The following FGF13 variants were observed in gnomAD, a reference collection of about 807,000 sequenced individuals.
FGF13 encodes fibroblast growth factor homologous factor 2.
FGF13 carries 2 observed loss-of-function variants against 19.5 expected under a neutral mutation model. That is an observed-to-expected ratio of 0.10 (90% confidence interval 0.04 to 0.32). The LOEUF (loss-of-function observed/expected upper bound fraction) is 0.32, where lower values mean the gene tolerates loss of function less well. Among genes scored for constraint, FGF13 ranks in the 10% least tolerant of loss-of-function variants. The pLI, the probability that FGF13 is intolerant of heterozygous loss-of-function variation, is 1.00. For missense variants in FGF13, 113 were observed against 192.7 expected, an observed-to-expected ratio of 0.59 and a Z score of 2.45; for synonymous variants, 72 against 76.9, an observed-to-expected ratio of 0.94 and a Z score of 0.33.
intron 3 of FGF13, among the ~76,000 whole-genome samples, chrX:138,826,346 G>A (rs2091034194): frequency 1.8e-5 from 2 of 111,772 alleles, no homozygotes; most frequent in Admixed American, 9.5e-5. Flanking sequence ...ATGGCACCCA[G>A]GTGGCCTAAA....
At chrX:139,167,190 G>A (rs1277012425) in intron 1 of FGF13, among the ~76,000 whole-genome samples, 1 of 111,710 alleles carries the variant, frequency 9.0e-6, no homozygotes, top group East Asian at 2.8e-4. Flanking sequence ...ATAAGTCAAC[G>A]GAAGCACCTG....
rs758308695 is a variant in FGF13, at chrX:138,857,583, C to T, written c.59G>A (p.Arg20His). Residue 20 changes from arginine to histidine, a missense_variant, in exon 3 of 3, where the codon CGT (arginine) becomes CAT (histidine). Physicochemically the swap from Arg to His is conservative, Grantham distance 29. Transcript: ENST00000421460. The stretch of plus-strand genomic sequence containing the variant: ...GCAGAAGATTTCGTGACACTTAGCA[C>T]GAAAGGGGGACTCTTTTTTCTTTAA... The T allele has an allele frequency of 9.1e-6, 11 of 1,206,928 alleles. No individual in the cohort carries two copies. The East Asian group carries it at 2.1e-4, about 23-fold the overall frequency.
intron 1 of FGF13, among the ~76,000 whole-genome samples, chrX:139,153,791 A>T (rs1168802578): frequency 9.1e-6 from 1 of 110,080 alleles, no homozygotes. Context: ...CCCTAATCCA[A>T]TGACTGTTAT....
At chrX:138,924,076 A>G in intron 1 of FGF13, among the ~76,000 whole-genome samples, 1 of 112,255 alleles carries the variant, frequency 8.9e-6, no homozygotes, top group Non-Finnish European at 1.9e-5. Flanking sequence ...ATGAAGCTTT[A>G]TGAGGTACTG....
chrX:138,893,457 A>G (rs769724303), intron 1 of FGF13, among the ~76,000 whole-genome samples: 38 of 110,927 alleles, frequency 3.4e-4, no homozygotes, highest in Non-Finnish European at 6.6e-4. Context: ...TACCACCCCC[A>G]TTTTAAAGAT....
At chrX:138,987,703 T>C (rs956471065) in intron 1 of FGF13, among the ~76,000 whole-genome samples, 3 of 112,152 alleles carry the variant, frequency 2.7e-5, no homozygotes, top group Non-Finnish European at 5.6e-5. Flanking sequence ...CAGTGAATTA[T>C]TGAACTCATA....
At chrX:138,865,560 G>A (rs961931896) in intron 1 of FGF13, among the ~76,000 whole-genome samples, 8 of 101,488 alleles carry the variant, frequency 7.9e-5, no homozygotes, top group Non-Finnish European at 9.8e-5. Context: ...AATTATTTGC[G>A]TTTCTTCCCA....
At chrX:138,962,959 C>T (rs147516357) in intron 1 of FGF13, among the ~76,000 whole-genome samples, 2,267 of 110,774 alleles carry the variant, frequency 0.02, 67 homozygotes, top group African/African-American at 0.071. Context: ...CAAACCTGCA[C>T]GTTGTGCACA....
At chrX:138,655,465 A>G (rs1197252180) in intron 3 of FGF13, among the ~76,000 whole-genome samples, 1 of 111,947 alleles carries the variant, frequency 8.9e-6, no homozygotes, top group African/African-American at 3.2e-5. Flanking sequence ...TCAAAAATAC[A>G]TTTATTCAGA....
intron 1 of FGF13, among the ~76,000 whole-genome samples, chrX:139,171,060 C>G (rs1456137469): frequency 9.0e-6 from 1 of 111,148 alleles, no homozygotes; most frequent in Non-Finnish European, 1.9e-5. Context: ...TTCCCTGAGT[C>G]CCTTAGCAGG....
At chrX:138,727,446 A>C (rs2090194289) in intron 1 of FGF13, among the ~76,000 whole-genome samples, 1 of 111,359 alleles carries the variant, frequency 9.0e-6, no homozygotes, top group Admixed American at 9.6e-5. Context: ...TATGAAATTC[A>C]AATTTGTTCA....
At chrX:138,883,490 G>C (rs1372473675) in intron 1 of FGF13, among the ~76,000 whole-genome samples, 2 of 111,457 alleles carry the variant, frequency 1.8e-5, no homozygotes, top group Non-Finnish European at 3.8e-5. Context: ...CACTTTAAGG[G>C]GATGGAAGGC....
In FGF13 at chrX:138,632,292, G is replaced by A. The variant is rs1172031749; in HGVS notation, c.*558C>T. The A allele has an allele frequency of 1.8e-5, 2 of 111,785 alleles. No individual in the cohort carries two copies. The highest frequency in any genetic ancestry group is 3.7e-4 in the South Asian group (1 of 2,670). 9.2% of individuals were successfully genotyped at this position (111,785 alleles called of 1,213,427 possible). ...ATTTGGTTGATTTGGATTAAGTGAC[G>A]CAAAAAGTCAATAGAACCATTGAAT... On this transcript the variant is annotated 3_prime_UTR_variant, in exon 5 of 5. Coordinates refer to ENST00000315930, the MANE Select transcript of FGF13 (RefSeq NM_004114.5).
intron 1 of FGF13, among the ~76,000 whole-genome samples, chrX:139,191,062 T>C (rs189973447): frequency 2.7e-5 from 3 of 112,322 alleles, no homozygotes; most frequent in African/African-American, 6.5e-5. Flanking sequence ...TTTTTATAAA[T>C]TGAGTCTCCC....
At chrX:138,942,552 T>C (rs755677706) in intron 1 of FGF13, among the ~76,000 whole-genome samples, 6 of 111,852 alleles carry the variant, frequency 5.4e-5, no homozygotes, top group Non-Finnish European at 1.1e-4. Context: ...TTTTCGGTTT[T>C]TCTCTCCTTC....
At chrX:138,812,371 A>T (rs2090932702) in intron 3 of FGF13, among the ~76,000 whole-genome samples, 1 of 111,847 alleles carries the variant, frequency 8.9e-6, no homozygotes, top group Non-Finnish European at 1.9e-5. Flanking sequence ...TTCATGTACA[A>T]GATTTTGTGT....
chrX:139,028,582 C>CGTGTGTGTGTGTGTGTGTGTGTGT (rs1203709668), intron 1 of FGF13, among the ~76,000 whole-genome samples: 2 of 61,601 alleles, frequency 3.2e-5, no homozygotes, highest in East Asian at 1.2e-3. Flanking sequence ...GGAGAGAGAG[C>CGTGTGTGTGTGTGTGTGTGTGTGT]GTGTGTGTGT....
downstream of FGF13, among the ~76,000 whole-genome samples, chrX:138,853,620 C>CGTGT (rs34651876): frequency 0.027 from 2,691 of 99,865 alleles, 37 homozygotes; most frequent in Non-Finnish European, 0.033. Context: ...TGTGCGTGTG[C>CGTGT]GTGTGTGTGT....
intron 1 of FGF13, among the ~76,000 whole-genome samples, chrX:139,154,093 A>G (rs767848580): frequency 8.9e-6 from 1 of 111,937 alleles, no homozygotes; most frequent in East Asian, 2.8e-4. Context: ...CCATCTTGAG[A>G]AAAGACCAAA....
Sources: allele counts gnomAD v4.1 joint callset (sites outside exome capture counted in the v4.1 genomes callset), GRCh38; gene constraint gnomAD v4.1.1; transcripts MANE v1.5; gene names NCBI Gene and HGNC (gene_info 2026-07-23, HGNC 2026-07-21).